Variants in PPP3CC observed in about 807,000 individuals in gnomAD.
The protein encoded by PPP3CC is serine/threonine-protein phosphatase 2B catalytic subunit gamma isoform.
Under a neutral mutation model 60.3 loss-of-function variants are expected in PPP3CC, and 35 were observed. That is an observed-to-expected ratio of 0.58 (90% CI 0.44 to 0.77). The LOEUF is 0.77. Among genes scored for constraint, PPP3CC ranks in the 30% least tolerant of loss-of-function variants. The pLI is 0.00. For synonymous variants in PPP3CC, 206 were observed against 224.3 expected, an observed-to-expected ratio of 0.92 and a Z score of 0.73; for missense variants, 570 against 628.9, an observed-to-expected ratio of 0.91 and a Z score of 1.00.
rs1266363665 is a variant in PPP3CC at position 22,475,565 on chromosome 8, A to G, written c.313A>G (p.Ser105Gly). 16 of 1,612,592 alleles carry G rather than the reference A, an allele frequency of 9.9e-6. No homozygotes were observed. Among genetic ancestry groups the G allele is most frequent in the Non-Finnish European group, 1.4e-5 (16 of 1,178,808 alleles). ...GTTATTTGAAGTTGGAGGATCACCTAGTAACACACGCTACCTCTTTCTGGG... is the reference window on the plus strand; with the variant it reads ...GTTATTTGAAGTTGGAGGATCACCTGGTAACACACGCTACCTCTTTCTGGG... ...MKLFEVGGSP[S>G]NTRYLFLGDY... The change falls in exon 3 of 14, where the codon AGT (serine) becomes GGT (glycine). Residue 105 changes from serine (S) to glycine (G), a missense_variant. Coordinates refer to ENST00000240139, the MANE Select transcript of PPP3CC (RefSeq NM_005605.5).
intron 6 of PPP3CC, among the ~76,000 whole-genome samples, chr8:22,520,899 A>G (rs1478043628): frequency 3.3e-5 from 5 of 152,120 alleles, no homozygotes; most frequent in African/African-American, 7.2e-5. Context: ...AATGGAGTCT[A>G]TGCATTTGAA....
chr8:22,500,730 C>T (rs896095662), intron 4 of PPP3CC, among the ~76,000 whole-genome samples: 1 of 152,156 alleles, frequency 6.6e-6, no homozygotes, highest in East Asian at 1.9e-4. Context: ...CTTAAAAAGT[C>T]CCTCTGTCAA....
chr8:22,485,010 A>G (rs1838183078), intron 3 of PPP3CC, among the ~76,000 whole-genome samples: 1 of 152,190 alleles, frequency 6.6e-6, no homozygotes, highest in African/African-American at 2.4e-5. Flanking sequence ...TCAATGAGAT[A>G]CGCATATCTT....
intron 10 of PPP3CC, 78 bp from the exon 11 acceptor site, chr8:22,532,147 A>G (rs766871699): frequency 1.1e-5 from 11 of 1,022,870 alleles, no homozygotes; most frequent in Non-Finnish European, 1.6e-5. Flanking sequence ...CTTTAACTTA[A>G]GACACTTCAT....
At chr8:22,453,325 T>C (rs1185119498) in intron 1 of PPP3CC, among the ~76,000 whole-genome samples, 1 of 152,232 alleles carries the variant, frequency 6.6e-6, no homozygotes, top group East Asian at 1.9e-4. Context: ...TTAAGAGTAC[T>C]GTATTTTATA....
intron 1 of PPP3CC, among the ~76,000 whole-genome samples, chr8:22,452,938 C>A (rs1166152474): frequency 6.6e-6 from 1 of 152,192 alleles, no homozygotes; most frequent in East Asian, 1.9e-4. Flanking sequence ...TCTTTAAGGG[C>A]AACCACTGTA....
chr8:22,466,911 T>TA (rs112448576), intron 1 of PPP3CC, among the ~76,000 whole-genome samples: 20 of 150,980 alleles, frequency 1.3e-4, no homozygotes, highest in African/African-American at 3.9e-4. Context: ...CTGGATAATT[T>TA]AAAAAAAAAA....
At chr8:22,460,013 A>G (rs1030099070) in intron 1 of PPP3CC, among the ~76,000 whole-genome samples, 2 of 152,204 alleles carry the variant, frequency 1.3e-5, no homozygotes, top group Non-Finnish European at 2.9e-5. Flanking sequence ...AAATTAAGAA[A>G]ACATTAGAAG....
At chr8:22,490,973 ATG>A (rs1838387867) in intron 3 of PPP3CC, among the ~76,000 whole-genome samples, 1 of 152,158 alleles carries the variant, frequency 6.6e-6, no homozygotes, top group Admixed American at 6.5e-5. Flanking sequence ...ATATCCAGTA[ATG>A]GGATAAGATA....
At chr8:22,473,871 C>G (rs1408654713) in intron 1 of PPP3CC, among the ~76,000 whole-genome samples, 2 of 152,034 alleles carry the variant, frequency 1.3e-5, no homozygotes, top group Non-Finnish European at 2.9e-5. Context: ...GTACATTAAG[C>G]TACTGCCTTT....
chr8:22,474,360 C>G (rs899829096), intron 1 of PPP3CC, among the ~76,000 whole-genome samples: 23 of 152,044 alleles, frequency 1.5e-4, no homozygotes, highest in Non-Finnish European at 7.4e-5. Context: ...AGTGTCTTGT[C>G]TCATTTATAA....
At chr8:22,460,519 C>T (rs76564756) in intron 1 of PPP3CC, among the ~76,000 whole-genome samples, 2,970 of 151,836 alleles carry the variant, frequency 0.02, 61 homozygotes, top group East Asian at 0.094. Context: ...TAAAAAATAG[C>T]ATGAAAACCT....
At chr8:22,442,131 GCT>G (rs1836690926) in intron 1 of PPP3CC, among the ~76,000 whole-genome samples, 1 of 152,172 alleles carries the variant, frequency 6.6e-6, no homozygotes, top group African/African-American at 2.4e-5. Context: ...AGGGCTCTTT[GCT>G]CTCTAAATCT....
intron 3 of PPP3CC, among the ~76,000 whole-genome samples, chr8:22,485,798 T>G (rs1376265905): frequency 6.6e-6 from 1 of 152,148 alleles, no homozygotes; most frequent in Non-Finnish European, 1.5e-5. Flanking sequence ...AAGAGAAGGT[T>G]AGAGGTTTTA....
At chr8:22,507,661 G>A (rs749470485) in intron 4 of PPP3CC, among the ~76,000 whole-genome samples, 150 of 152,268 alleles carry the variant, frequency 9.9e-4, no homozygotes, top group Non-Finnish European at 1.7e-3. Flanking sequence ...AACACAGTAT[G>A]TACTAAGTGC....
chr8:22,487,258 C>T (rs779951343), intron 3 of PPP3CC, among the ~76,000 whole-genome samples: 17 of 152,082 alleles, frequency 1.1e-4, no homozygotes, highest in South Asian at 6.2e-4. Context: ...AGACTTCTGC[C>T]GCTGATAAAA....
In PPP3CC at chr8:22,511,089, G is replaced by T; in HGVS notation, c.488G>T (p.Arg163Leu). ...ACTGGTTTTCCTTTTTTGTTAGGTC[G>T]AATCAAATATTCGGAACAGGTGTAT... is the stretch of plus-strand genomic sequence containing the variant. ...TDYFTFKQEC[R>L]IKYSEQVYDA... Residue 163 changes from arginine (R) to leucine (L), a missense_variant, in exon 5 of 14, where the codon CGA (arginine) becomes CTA (leucine). Coordinates refer to ENST00000240139, the MANE Select transcript of PPP3CC (RefSeq NM_005605.5). 3 of 1,611,762 alleles carry T rather than the reference G, an allele frequency of 1.9e-6. No homozygotes were observed. The highest frequency in any genetic ancestry group is 2.5e-6 in the Non-Finnish European group (3 of 1,179,326).
At chr8:22,451,893 T>C (rs1837038668) in intron 1 of PPP3CC, among the ~76,000 whole-genome samples, 1 of 152,236 alleles carries the variant, frequency 6.6e-6, no homozygotes. Context: ...TATGCAAATA[T>C]TCCCAAATCT....
intron 1 of PPP3CC, among the ~76,000 whole-genome samples, chr8:22,464,792 C>T (rs997743101): frequency 6.6e-6 from 1 of 152,064 alleles, no homozygotes; most frequent in African/African-American, 2.4e-5. Flanking sequence ...GTGAGTTATG[C>T]GTGGGCTGAG....
Sources: gnomAD v4.1 joint callset for allele counts (sites outside exome capture counted in the v4.1 genomes callset) on GRCh38, gnomAD v4.1.1 for gene constraint, MANE v1.5 for transcripts, NCBI Gene and HGNC (gene_info 2026-07-23, HGNC 2026-07-21) for gene names.